Variants in PTBP1 observed in about 807,000 individuals in gnomAD.
The protein encoded by PTBP1 is polypyrimidine tract binding protein 1.
A neutral mutation model predicts 59.8 loss-of-function variants in PTBP1; 8 were observed. The ratio of observed to expected loss-of-function variants is 0.13; its 90% CI spans 0.08 to 0.24. The LOEUF (loss-of-function observed/expected upper bound fraction) is 0.24. Ranked by LOEUF, PTBP1 falls within the 10% of genes least tolerant of loss-of-function variation. The probability of loss-of-function intolerance (pLI) is 1.00; values close to 1 mark genes in which losing one functional copy is unlikely to be tolerated. For missense variants in PTBP1, 686 were observed against 767.0 expected, an observed-to-expected ratio of 0.89 and a Z score of 1.25; for synonymous variants, 490 against 320.7, an observed-to-expected ratio of 1.53 and a Z score of -5.64.
intron 10 of PTBP1, 113 bp downstream of exon 10, chr19:806,669 G>GCCCCGGCAGC: frequency 9.5e-7 from 1 of 1,047,346 alleles, no homozygotes. Context: ...CTGCGCCTCT[G>GCCCCGGCAGC]CCCTGGCAGC....
intron 1 of PTBP1, among the ~76,000 whole-genome samples, chr19:798,962 T>G (rs758267521): frequency 6.6e-5 from 10 of 152,228 alleles, no homozygotes; most frequent in Non-Finnish European, 1.5e-4. Flanking sequence ...AGAGGCACCC[T>G]CTTGGGGGCC....
At chr19:810,641 C>T in intron 14 of PTBP1, 21 bp downstream of exon 14, 2 of 1,612,502 alleles carry the variant, frequency 1.2e-6, no homozygotes, top group Non-Finnish European at 1.7e-6. Flanking sequence ...GGCGGGCTGT[C>T]CCTGGCTCTC....
intron 1 of PTBP1, among the ~76,000 whole-genome samples, chr19:798,174 C>A (rs1408243440): frequency 6.6e-6 from 1 of 152,012 alleles, no homozygotes; most frequent in Non-Finnish European, 1.5e-5. Context: ...CCCCGAGGGT[C>A]TGTCCTCCGC....
At position 808,395 on chromosome 19, in the gene PTBP1, T is replaced by C; in HGVS notation, c.1189T>C (p.Phe397Leu). 6.2e-7 allele frequency: 1 copy of C among 1,606,730 alleles called. No homozygotes were observed. The highest frequency in any genetic ancestry group is 2.2e-5 in the East Asian group (1 of 44,718). ...YGDVQRVKIL[F>L]NKKENALVQM... ...TGACGTGCAGCGCGTGAAGATCCTG[T>C]TCAATAAGAAGGAGAACGCCCTAGT... is the stretch of plus-strand genomic sequence containing the variant. The change falls in exon 12 of 15, where the codon TTC becomes CTC. Residue 397 changes from phenylalanine (F) to leucine (L), a missense_variant. Transcript: ENST00000356948. The surrounding 1 kb of genome is among the most constrained non-coding windows in gnomAD (Gnocchi z 4.7).
In PTBP1 at chr19:811,977, C is replaced by G. The variant is rs2034902009; in HGVS notation, c.*1151C>G. ...CCCGCGTCCTGTCCCGGGGGCTCTC[C>G]TAGGATCCCCTTTCCGTAAAAGCGT... On this transcript the variant is annotated 3_prime_UTR_variant, in exon 15 of 15. Coordinates refer to ENST00000356948, the MANE Select transcript of PTBP1 (RefSeq NM_002819.5). The G allele has an allele frequency of 6.6e-6, 1 of 152,194 alleles. No homozygotes were observed. The highest frequency in any genetic ancestry group is 2.1e-4 in the South Asian group (1 of 4,832). 9.4% of individuals were successfully genotyped at this position (152,194 alleles called of 1,614,324 possible).
intron 10 of PTBP1, chr19:807,257 C>G (rs1369609012): frequency 6.5e-6 from 1 of 152,794 alleles, no homozygotes; most frequent in Admixed American, 6.5e-5. Context: ...TGTAATCGTC[C>G]TTAGAGACTG....
In PTBP1 at chr19:805,357, C is replaced by T; in HGVS notation, c.893-135C>T. The T allele has an allele frequency of 5.8e-6, 7 of 1,198,810 alleles. No homozygotes were observed. In the South Asian group the frequency reaches 6.9e-5, roughly 12 times the overall value. The allele number at this position is 1,198,810 out of a possible 1,614,324, so 74.3% of individuals were successfully genotyped here. A position where few individuals can be genotyped will look rare whatever the true frequency, so the allele number is the denominator to read the frequency against. On this transcript the variant is annotated intron_variant, in intron 8 of 14. Transcript: ENST00000356948. ...TCCCCCACGTCGGGACCACGGCCCC[C>T]CCTGGAGCAGCGGATCTGCCCGCGA...
chr19:806,510 C>T lies in PTBP1; in HGVS notation c.1073C>T (p.Ala358Val), dbSNP rs758317861. 2.2e-5 allele frequency: 34 copies of T among 1,566,974 alleles called. No homozygotes were observed. The highest frequency in any genetic ancestry group is 5.7e-5 in the Admixed American group (3 of 52,318). ...AAGRIAIPGL[A>V]GAGNSVLLVS... ...GGTCGGATCGCCATCCCGGGCCTGG[C>T]GGGGGCAGGAAATTCTGTATTGCTG... Residue 358 changes from alanine (A) to valine (V), a missense_variant, in exon 10 of 15, where the codon GCG (alanine) becomes GTG (valine). Ala to Val is a moderately conservative substitution (Grantham distance 64). Transcript: ENST00000356948.
At position 811,974 on chromosome 19, in the gene PTBP1, C is replaced by G. The variant is rs1043938528; in HGVS notation, c.*1148C>G. 3 of 152,278 alleles carry G rather than the reference C, an allele frequency of 2.0e-5. No individual in the cohort carries two copies. The highest frequency in any genetic ancestry group is 7.2e-5 in the African/African-American group (3 of 41,404). The allele number at this position is 152,278 out of a possible 1,614,324, so 9.4% of individuals were successfully genotyped here. A position where few individuals can be genotyped will look rare whatever the true frequency, so the allele number is the denominator to read the frequency against. ...GCCCCCGCGTCCTGTCCCGGGGGCT[C>G]TCCTAGGATCCCCTTTCCGTAAAAG... On this transcript the variant is annotated 3_prime_UTR_variant, in exon 15 of 15. Coordinates refer to ENST00000356948, the MANE Select transcript of PTBP1 (RefSeq NM_002819.5).
intron 7 of PTBP1, 31 bp from the exon 8 acceptor site, chr19:804,982 C>T (rs780895451): frequency 3.2e-5 from 51 of 1,612,130 alleles, no homozygotes; most frequent in Middle Eastern, 1.6e-4. Context: ...GGCCCTGGCC[C>T]GGCGACGTCT....
intron 9 of PTBP1, 62 bp downstream of exon 9, chr19:805,631 G>T (rs377359636): frequency 7.1e-7 from 1 of 1,413,386 alleles, no homozygotes; most frequent in South Asian, 1.2e-5. Context: ...TTCCCAGGCA[G>T]CTCCGCATCC....
chr19:808,231 G>A lies in PTBP1; in HGVS notation c.1154-129G>A, dbSNP rs1005578763. On this transcript the variant is annotated intron_variant, in intron 11 of 14. Transcript: ENST00000356948. The surrounding 1 kb of genome is among the most constrained non-coding windows in gnomAD (Gnocchi z 4.7). ...CCCTGTGGCTGCGAGACGCAGCTCCGCAGTGGCCGATAAAGCAAACCCGGC... is the reference window on the plus strand; with the variant it reads ...CCCTGTGGCTGCGAGACGCAGCTCCACAGTGGCCGATAAAGCAAACCCGGC... 2.0e-5 allele frequency: 15 copies of A among 769,214 alleles called. No individual in the cohort carries two copies. Among genetic ancestry groups the A allele is most frequent in the Non-Finnish European group, 2.8e-5 (13 of 456,238 alleles). The allele number at this position is 769,214 out of a possible 1,614,324, so 47.6% of individuals were successfully genotyped here. A position where few individuals can be genotyped will look rare whatever the true frequency, so the allele number is the denominator to read the frequency against.
Position 800,791 on chromosome 19 carries a change from G to A in PTBP1, c.39+1348G>A, listed in dbSNP as rs562984098. The stretch of plus-strand genomic sequence containing the variant: ...GCTTGCAGGCAGTCGTCTCTTCCCT[G>A]CTTCTGTGGGCCTGCTTTCCAGCTG... On this transcript the variant is annotated intron_variant, in intron 2 of 14. Coordinates refer to ENST00000356948, the MANE Select transcript of PTBP1 (RefSeq NM_002819.5). 2.0e-3 allele frequency among the ~76,000 whole-genome samples: 305 copies of A among 152,298 alleles called. 1 individual carries two copies. Among genetic ancestry groups the A allele is most frequent in the Non-Finnish European group, 3.4e-3 (233 of 68,024 alleles).
rs2034826147 is a variant in PTBP1, at chr19:810,761, C to T, written c.1609C>T (p.Leu537=). The T allele has an allele frequency of 1.9e-6, 3 of 1,607,330 alleles. No individual in the cohort carries two copies. The highest frequency in any genetic ancestry group is 2.2e-5 in the South Asian group (2 of 89,880). The change falls in exon 15 of 15, where the codon CTG becomes TTG. Residue 537 remains leucine, a synonymous_variant. Coordinates refer to ENST00000356948, the MANE Select transcript of PTBP1 (RefSeq NM_002819.5). ...GGAGGCGGTCCAGGCCCTCATTGACCTGCACAACCACGACCTCGGGGAGAA... is the reference window on the plus strand; with the variant it reads ...GGAGGCGGTCCAGGCCCTCATTGACTTGCACAACCACGACCTCGGGGAGAA... The part of the protein sequence containing the change: ...VEEAVQALID[L]HNHDLGENHH...
At chr19:799,469 C>A (rs199895783) in intron 2 of PTBP1, 26 bp downstream of exon 2, 1 of 1,612,462 alleles carries the variant, frequency 6.2e-7, no homozygotes, top group Admixed American at 1.7e-5. Flanking sequence ...TTTGCTTCTC[C>A]GTGACGCTCC....
intron 2 of PTBP1, among the ~76,000 whole-genome samples, chr19:800,965 G>A (rs928098822): frequency 2.6e-5 from 4 of 152,142 alleles, no homozygotes; most frequent in Admixed American, 2.6e-4. Flanking sequence ...CCTGCTGGGT[G>A]CAGGCCCTGG....
At position 805,546 on chromosome 19, in the gene PTBP1, C is replaced by G; in HGVS notation, c.947C>G (p.Thr316Ser). ...SPYAGAGFPP[T>S]FAIPQAAGLS... ...TATGCAGGAGCTGGTTTCCCTCCCACCTTTGCCATTCCTCAAGCTGCAGGT... is the reference window on the plus strand; with the variant it reads ...TATGCAGGAGCTGGTTTCCCTCCCAGCTTTGCCATTCCTCAAGCTGCAGGT... Residue 316 changes from threonine to serine, a missense_variant, in exon 9 of 15, where the codon ACC becomes AGC. Transcript: ENST00000356948. 2 of 1,613,894 alleles carry G rather than the reference C, an allele frequency of 1.2e-6. No individual in the cohort carries two copies. The highest frequency in any genetic ancestry group is 1.7e-6 in the Non-Finnish European group (2 of 1,179,744).
In PTBP1 at chr19:808,334, C is replaced by G. The variant is rs1358475661; in HGVS notation, c.1154-26C>G. 1 of 1,560,966 alleles carries G rather than the reference C, an allele frequency of 6.4e-7. No homozygotes were observed. The highest frequency in any genetic ancestry group is 8.7e-7 in the Non-Finnish European group (1 of 1,149,700). On this transcript the variant is annotated intron_variant, in intron 11 of 14. Transcript: ENST00000356948. The surrounding 1 kb of genome is among the most constrained non-coding windows in gnomAD (Gnocchi z 4.7). ...TGGGCGGGGCAGGCAGCAGGAGACTCAGGCCCCATCCCTGGGCTTTTGAAG... is the reference window on the plus strand; with the variant it reads ...TGGGCGGGGCAGGCAGCAGGAGACTGAGGCCCCATCCCTGGGCTTTTGAAG...
chr19:805,261 C>T, intron 8 of PTBP1, 74 bp downstream of exon 8: 1 of 1,535,692 alleles, frequency 6.5e-7, no homozygotes, highest in Non-Finnish European at 8.9e-7. Context: ...GCCCCGGCGG[C>T]ACGGGCCCGG....
Sources: gnomAD v4.1 joint callset for allele counts (sites outside exome capture counted in the v4.1 genomes callset) on GRCh38, gnomAD v4.1.1 for gene constraint, Gnocchi (gnomAD v3.1) non-coding constraint, MANE v1.5 for transcripts, NCBI Gene and HGNC (gene_info 2026-07-23, HGNC 2026-07-21) for gene names.